The following GRXCR2 variants were observed in gnomAD, a reference collection of about 807,000 sequenced individuals.
GRXCR2 encodes the protein glutaredoxin domain-containing cysteine-rich protein 2.
A neutral mutation model predicts 24.8 loss-of-function variants in GRXCR2; 23 were observed. The observed-to-expected ratio is 0.93, with a 90% CI of 0.67 to 1.32. GRXCR2 has a LOEUF of 1.32. Among genes scored for constraint, GRXCR2 ranks in the 40% most tolerant of loss-of-function variants. The probability of loss-of-function intolerance (pLI) is 0.00; values close to 1 mark genes in which losing one functional copy is unlikely to be tolerated. For missense variants in GRXCR2, 315 were observed against 303.4 expected (o/e 1.04, Z -0.28); for synonymous variants, 130 against 116.1 (o/e 1.12, Z -0.77).
At chr5:145,864,433 G>T (rs1756392838) in intron 2 of GRXCR2, among the ~76,000 whole-genome samples, 1 of 152,080 alleles carries the variant, frequency 6.6e-6, no homozygotes, top group Admixed American at 6.5e-5. Flanking sequence ...AAGCTTAGAG[G>T]GGGTGACTGA....
chr5:145,882,703 CTG>C (rs1210856064), intron 2 of GRXCR2, among the ~76,000 whole-genome samples: 4 of 152,114 alleles, frequency 2.6e-5, no homozygotes, highest in African/African-American at 9.7e-5. Context: ...AATCATGCTG[CTG>C]TAAAGACACA....
chr5:145,882,134 C>A, intron 2 of GRXCR2, among the ~76,000 whole-genome samples: 1 of 152,100 alleles, frequency 6.6e-6, no homozygotes, highest in East Asian at 1.9e-4. Context: ...ACTAAAACAC[C>A]AAAAGCAATG....
chr5:145,892,698 A>T (rs1756887345), intron 2 of GRXCR2, among the ~76,000 whole-genome samples: 2 of 152,234 alleles, frequency 1.3e-5, no homozygotes. Flanking sequence ...ACCAAGTTGG[A>T]AAACACTCTG....
intron 2 of GRXCR2, among the ~76,000 whole-genome samples, chr5:145,907,134 G>T (rs1004730941): frequency 6.6e-6 from 1 of 152,102 alleles, no homozygotes; most frequent in African/African-American, 2.4e-5. Context: ...GGGAAGGTGG[G>T]GATCTTGGAA....
chr5:145,875,406 G>T (rs1431225183), upstream of GRXCR2, among the ~76,000 whole-genome samples: 1 of 152,140 alleles, frequency 6.6e-6, no homozygotes, highest in Non-Finnish European at 1.5e-5. Context: ...AAAATTAGCA[G>T]GGTGTGGTGG....
At chr5:145,931,633 C>T (rs903409503) in intron 2 of GRXCR2, among the ~76,000 whole-genome samples, 2 of 152,218 alleles carry the variant, frequency 1.3e-5, no homozygotes. Flanking sequence ...TGTTGTCCTC[C>T]AGTCATTCCT....
intron 2 of GRXCR2, among the ~76,000 whole-genome samples, chr5:145,894,722 C>T (rs1289952435): frequency 1.3e-5 from 2 of 152,154 alleles, no homozygotes; most frequent in South Asian, 4.2e-4. Context: ...GAGCTGGTAC[C>T]ATTCCTTCTG....
At chr5:145,870,894 A>T (rs422909) in intron 1 of GRXCR2, among the ~76,000 whole-genome samples, 1 of 152,080 alleles carries the variant, frequency 6.6e-6, no homozygotes, top group Admixed American at 6.6e-5. Flanking sequence ...ACTGTGTTTT[A>T]ACCAACTGAG....
At chr5:145,910,817 TAAG>T (rs1039600547) in intron 2 of GRXCR2, among the ~76,000 whole-genome samples, 3 of 149,442 alleles carry the variant, frequency 2.0e-5, no homozygotes, top group East Asian at 2.0e-4. Flanking sequence ...AAAGGGTAGA[TAAG>T]AAGGGGAACT....
chr5:145,904,577 G>A (rs1757065755), intron 2 of GRXCR2, among the ~76,000 whole-genome samples: 3 of 152,134 alleles, frequency 2.0e-5, no homozygotes, highest in African/African-American at 4.8e-5. Context: ...CCTTCCTTGA[G>A]AATCTCTTCC....
intron 2 of GRXCR2, among the ~76,000 whole-genome samples, chr5:145,924,731 G>A (rs190713387): frequency 6.6e-6 from 1 of 152,274 alleles, no homozygotes; most frequent in African/African-American, 2.4e-5. Flanking sequence ...TAAGATGGGG[G>A]TAATTAAAGG....
At chr5:145,925,342 T>C (rs1757375547) in intron 2 of GRXCR2, among the ~76,000 whole-genome samples, 1 of 152,216 alleles carries the variant, frequency 6.6e-6, no homozygotes, top group Admixed American at 6.5e-5. Flanking sequence ...TTTTGAGCAC[T>C]TTCTATGGAC....
intron 2 of GRXCR2, among the ~76,000 whole-genome samples, chr5:145,893,232 C>A (rs1455412475): frequency 6.6e-6 from 1 of 152,126 alleles, no homozygotes; most frequent in Non-Finnish European, 1.5e-5. Flanking sequence ...AATTAACAGG[C>A]AAAATAACCA....
intron 2 of GRXCR2, among the ~76,000 whole-genome samples, chr5:145,912,713 A>G (rs527333092): frequency 1.3e-5 from 2 of 152,034 alleles, no homozygotes; most frequent in Admixed American, 6.6e-5. Flanking sequence ...AAGAGGAGGT[A>G]TGAGGCGGAG....
intron 2 of GRXCR2, among the ~76,000 whole-genome samples, chr5:145,889,601 A>C (rs1297717190): frequency 6.6e-6 from 1 of 152,218 alleles, no homozygotes; most frequent in Non-Finnish European, 1.5e-5. Flanking sequence ...AAATACAAAA[A>C]TTAGAAGTAC....
chr5:145,865,586 T>C (rs901152908), intron 2 of GRXCR2, among the ~76,000 whole-genome samples: 3 of 152,208 alleles, frequency 2.0e-5, no homozygotes. Context: ...ACTAGACAAG[T>C]GTGGTACCCA....
At chr5:145,896,686 G>A (rs1303185831) in intron 2 of GRXCR2, among the ~76,000 whole-genome samples, 2 of 152,116 alleles carry the variant, frequency 1.3e-5, no homozygotes, top group African/African-American at 4.8e-5. Context: ...ACTGTTGGTG[G>A]GACTGTAAAC....
upstream of GRXCR2, among the ~76,000 whole-genome samples, chr5:145,876,210 TATATATACAC>T (rs1310041000): frequency 7.1e-6 from 1 of 140,138 alleles, no homozygotes. Flanking sequence ...TATATATATA[TATATATACAC>T]ACACACACAC....
chr5:145,862,725 G>T (rs1033870964), intron 2 of GRXCR2, among the ~76,000 whole-genome samples: 1 of 152,120 alleles, frequency 6.6e-6, no homozygotes, highest in African/African-American at 2.4e-5. Flanking sequence ...GCATAATAGG[G>T]TTATTATGGT....
Sources: allele counts gnomAD v4.1 joint callset (sites outside exome capture counted in the v4.1 genomes callset), GRCh38; gene constraint gnomAD v4.1.1; transcripts MANE v1.5; gene names NCBI Gene and HGNC (gene_info 2026-07-23, HGNC 2026-07-21).